DTNA: variants seen among roughly 807,000 people sequenced by gnomAD.
DTNA encodes the protein dystrobrevin alpha, also known as dystrophin-related protein 3.
A neutral mutation model predicts 100.7 loss-of-function variants in DTNA; 43 were observed. That is an observed-to-expected ratio of 0.43 (90% CI 0.33 to 0.55). The LOEUF (loss-of-function observed/expected upper bound fraction) is 0.55, where lower values mean the gene tolerates loss of function less well. DTNA is among the 20% of genes least tolerant of loss of function. The pLI is 0.04. For synonymous variants in DTNA, 349 were observed against 347.9 expected, an observed-to-expected ratio of 1.00 and a Z score of -0.04; for missense variants, 798 against 953.9, an observed-to-expected ratio of 0.84 and a Z score of 2.15.
chr18:34,510,622 CTTTTTT>C (rs1027138316), intron 1 of DTNA, among the ~76,000 whole-genome samples: 1 of 92,842 alleles, frequency 1.1e-5, no homozygotes, highest in East Asian at 3.5e-4. Flanking sequence ...ACTGGCCATT[CTTTTTT>C]TTTTTTTTTT....
At chr18:34,539,929 A>G (rs1262239021) in intron 1 of DTNA, among the ~76,000 whole-genome samples, 1 of 151,892 alleles carries the variant, frequency 6.6e-6, no homozygotes, top group Non-Finnish European at 1.5e-5. Flanking sequence ...AATTTATGCT[A>G]TATGCTTTTA....
At chr18:34,695,108 C>T (rs1185052083) in intron 1 of DTNA, among the ~76,000 whole-genome samples, 1 of 152,106 alleles carries the variant, frequency 6.6e-6, no homozygotes, top group African/African-American at 2.4e-5. Flanking sequence ...ACAACCTTCC[C>T]ATTCTCTCCT....
rs753486212 is a variant in DTNA at position 34,806,129 on chromosome 18, ATG to A, written c.363-88_363-87del. 111 of 1,104,036 alleles carry A rather than the reference ATG, an allele frequency of 1.0e-4. No homozygotes were observed. The Middle Eastern group carries it at 1.5e-3, about 15-fold the overall frequency. The allele number at this position is 1,104,036 out of a possible 1,614,324, so 68.4% of individuals were successfully genotyped here. On this transcript the variant is annotated intron_variant, in intron 4 of 22. Transcript: ENST00000444659. The stretch of plus-strand genomic sequence containing the variant: ...TCCTGTGATTTCTACAGAATAGAAA[ATG>A]TCAAACCTTGTTGCTGGAAGTACTC...
rs556687318 is a variant in DTNA at position 34,764,119 on chromosome 18, AAAAG to A, written c.68-1838_68-1835del. 1.2e-3 allele frequency among the ~76,000 whole-genome samples: 184 copies of A among 152,324 alleles called. 1 individual carries two copies. Among genetic ancestry groups the A allele is most frequent in the African/African-American group, 4.3e-3 (179 of 41,570 alleles). Reference sequence around the variant, plus strand: ...GAGGTAAATCAAAGCTCAAATATAAAAAAGAAATTTCTATCACATATTTTTGTTC... The same window carrying A: ...GAGGTAAATCAAAGCTCAAATATAAAAAATTTCTATCACATATTTTTGTTC... On this transcript the variant is annotated intron_variant, in intron 2 of 22. Coordinates refer to ENST00000444659, the MANE Select transcript of DTNA (RefSeq NM_001386795.1).
At chr18:34,696,133 C>G (rs1480502523) in intron 1 of DTNA, among the ~76,000 whole-genome samples, 1 of 152,128 alleles carries the variant, frequency 6.6e-6, no homozygotes, top group East Asian at 1.9e-4. Flanking sequence ...GGACATTTGG[C>G]CATATGCTGG....
intron 1 of DTNA, among the ~76,000 whole-genome samples, chr18:34,561,741 T>C (rs1276674155): frequency 6.6e-6 from 1 of 152,210 alleles, no homozygotes; most frequent in African/African-American, 2.4e-5. Flanking sequence ...AACATTTTGC[T>C]GCATGTGCTT....
intron 1 of DTNA, among the ~76,000 whole-genome samples, chr18:34,731,597 C>T (rs1049264544): frequency 6.6e-6 from 1 of 152,100 alleles, no homozygotes; most frequent in Non-Finnish European, 1.5e-5. Flanking sequence ...GATGATGATT[C>T]TGTATTGGGT....
At chr18:34,668,098 T>A (rs945251247) in intron 1 of DTNA, among the ~76,000 whole-genome samples, 1 of 152,242 alleles carries the variant, frequency 6.6e-6, no homozygotes, top group African/African-American at 2.4e-5. Flanking sequence ...TGCCTCAATT[T>A]CAGAGCCTGT....
At chr18:34,577,890 T>C (rs2048261388) in intron 1 of DTNA, among the ~76,000 whole-genome samples, 1 of 152,188 alleles carries the variant, frequency 6.6e-6, no homozygotes, top group African/African-American at 2.4e-5. Context: ...TTCCACATTT[T>C]TGCAATTGTA....
At chr18:34,688,372 A>T (rs1047550721) in intron 1 of DTNA, among the ~76,000 whole-genome samples, 1 of 152,124 alleles carries the variant, frequency 6.6e-6, no homozygotes, top group African/African-American at 2.4e-5. Context: ...GCTTGTCTGT[A>T]AGGGATTTTA....
chr18:34,641,165 TTAAC>T (rs1161251419), intron 1 of DTNA, among the ~76,000 whole-genome samples: 4 of 152,264 alleles, frequency 2.6e-5, no homozygotes, highest in Admixed American at 2.0e-4. Flanking sequence ...GATAATAATC[TTAAC>T]TATCTATTGA....
chr18:34,799,249 C>T (rs904500043), intron 4 of DTNA, among the ~76,000 whole-genome samples: 1 of 152,180 alleles, frequency 6.6e-6, no homozygotes, highest in African/African-American at 2.4e-5. Flanking sequence ...CATATTGCAC[C>T]TTACTGGGCC....
At chr18:34,598,499 G>A (rs2051102720) in intron 1 of DTNA, among the ~76,000 whole-genome samples, 2 of 152,140 alleles carry the variant, frequency 1.3e-5, no homozygotes, top group South Asian at 4.1e-4. Flanking sequence ...ACAGTGTGGT[G>A]CTACAAAGAA....
At chr18:34,572,828 T>G (rs889865368) in intron 1 of DTNA, among the ~76,000 whole-genome samples, 6 of 152,214 alleles carry the variant, frequency 3.9e-5, no homozygotes, top group Admixed American at 3.3e-4. Flanking sequence ...GTGGTTCATC[T>G]GCTTTGGGAA....
intron 3 of DTNA, among the ~76,000 whole-genome samples, chr18:34,776,986 C>T (rs935678887): frequency 6.6e-6 from 1 of 152,216 alleles, no homozygotes; most frequent in Admixed American, 6.5e-5. Flanking sequence ...CGGACCTCCT[C>T]GTCTTTCTCA....
chr18:34,808,239 C>T (rs2095412656), intron 5 of DTNA, among the ~76,000 whole-genome samples: 1 of 152,276 alleles, frequency 6.6e-6, no homozygotes, highest in Non-Finnish European at 1.5e-5. Flanking sequence ...CCTCGAAGTC[C>T]TGGTGTTTGC....
chr18:34,504,873 C>A lies in DTNA; in HGVS notation c.-2+11359C>A, dbSNP rs576083705. Among the ~76,000 whole-genome samples, 9 of 152,288 alleles carry A rather than the reference C, an allele frequency of 5.9e-5. No individual in the cohort carries two copies. In the South Asian group the frequency reaches 1.9e-3, roughly 32 times the overall value. ...GGTGTTTAAATCTGTAGGTCTATGA[C>A]TTCTGTCAAATTTGGGAAGTTTTCA... On this transcript the variant is annotated intron_variant, in intron 1 of 19. Transcript: ENST00000283365.
At chr18:34,495,556 A>G (rs1290258526) in intron 1 of DTNA, among the ~76,000 whole-genome samples, 1 of 152,210 alleles carries the variant, frequency 6.6e-6, no homozygotes, top group Non-Finnish European at 1.5e-5. Flanking sequence ...TTTTTGAGGA[A>G]GTTTAGTTAT....
At position 34,718,007 on chromosome 18, in the gene DTNA, G is replaced by T. The variant is rs892732241; in HGVS notation, c.-2+7562G>T. On this transcript the variant is annotated intron_variant, in intron 1 of 22. Transcript: ENST00000444659. ...TAGAATTTAAAAAGAGTAGATTTGAGAGGTGTTTTGTCTGTTGCTTCTCTT... is the reference window on the plus strand; with the variant it reads ...TAGAATTTAAAAAGAGTAGATTTGATAGGTGTTTTGTCTGTTGCTTCTCTT... Among the ~76,000 whole-genome samples the T allele has an allele frequency of 2.0e-5, 3 of 152,322 alleles. No individual in the cohort carries two copies. In the South Asian group the frequency reaches 6.2e-4, roughly 32 times the overall value.
Sources: gnomAD v4.1 joint callset for allele counts (sites outside exome capture counted in the v4.1 genomes callset) on GRCh38, gnomAD v4.1.1 for gene constraint, MANE v1.5 for transcripts, NCBI Gene and HGNC (gene_info 2026-07-23, HGNC 2026-07-21) for gene names.